Variants in OOSP3 observed in about 807,000 individuals in gnomAD.
OOSP3 encodes the protein oocyte secreted protein family member 3, also known as oocyte-secreted protein 3.
chr11:59,878,815 G>T (rs894750304), exon 1 of OOSP3: 4 of 398,408 alleles, frequency 1.0e-5, no homozygotes, highest in African/African-American at 6.2e-5. Context: ...CGTCATGAAA[G>T]ATTTTGTGAG....
At chr11:59,893,351 T>G (rs1853328763) in intron 2 of OOSP3, among the ~76,000 whole-genome samples, 1 of 152,220 alleles carries the variant, frequency 6.6e-6, no homozygotes, top group Admixed American at 6.5e-5. Context: ...TGACCATAAC[T>G]GTAGTGGCTT....
intron 4 of OOSP3, 96 bp downstream of exon 4, chr11:59,895,748 G>A (rs942978560): frequency 5.3e-5 from 21 of 397,038 alleles, no homozygotes; most frequent in Non-Finnish European, 9.3e-5. Context: ...TACTAAGGAG[G>A]GTATTTGTTG....
At chr11:59,895,626 C>G (rs933724957) in exon 4 of OOSP3, 6 of 398,250 alleles carry the variant, frequency 1.5e-5, no homozygotes, top group African/African-American at 4.1e-5. Flanking sequence ...TGGATTGACT[C>G]GGATTCCATA....
intron 1 of OOSP3, among the ~76,000 whole-genome samples, chr11:59,879,894 T>C (rs1853184674): frequency 6.6e-6 from 1 of 152,158 alleles, no homozygotes; most frequent in African/African-American, 2.4e-5. Flanking sequence ...GCCCTATCAG[T>C]CATTTACACT....
At position 59,896,206 on chromosome 11, in the gene OOSP3, T is replaced by C. The variant is rs117210019; in HGVS notation, c.575T>C (p.Ile192Thr). 2.4e-3 allele frequency: 943 copies of C among 398,474 alleles called. 3 individuals are homozygous for C. Among genetic ancestry groups the C allele is most frequent in the Non-Finnish European group, 3.0e-3 (688 of 225,926 alleles). The allele number at this position is 398,474 out of a possible 1,614,324, so 24.7% of individuals were successfully genotyped here. A position where few individuals can be genotyped will look rare whatever the true frequency, so the allele number is the denominator to read the frequency against. Reference sequence around the variant, plus strand: ...GTCCATGAGAGTGCAAATGTAGCTATATTCTAGGTTCTTCCATGGCAATCC... The same window carrying C: ...GTCCATGAGAGTGCAAATGTAGCTACATTCTAGGTTCTTCCATGGCAATCC... The change falls in exon 5 of 5, where the codon ATA becomes ACA. Residue 192 changes from isoleucine to threonine, a missense_variant. Coordinates refer to ENST00000646438, the Ensembl canonical transcript of OOSP3.
chr11:59,887,864 G>A (rs1356707282), intron 2 of OOSP3, among the ~76,000 whole-genome samples: 1 of 152,118 alleles, frequency 6.6e-6, no homozygotes, highest in Non-Finnish European at 1.5e-5. Context: ...AATGGGAATG[G>A]CACTGAATCT....
At chr11:59,879,558 T>C (rs765008513) in intron 1 of OOSP3, among the ~76,000 whole-genome samples, 5 of 152,140 alleles carry the variant, frequency 3.3e-5, no homozygotes, top group African/African-American at 7.2e-5. Context: ...GCTTTATCTA[T>C]AGGATATGTT....
At chr11:59,881,409 T>G (rs935221528) in intron 2 of OOSP3, among the ~76,000 whole-genome samples, 3 of 151,314 alleles carry the variant, frequency 2.0e-5, no homozygotes, top group African/African-American at 7.3e-5. Context: ...GAATGCTCAA[T>G]AGAAGTTAAT....
At chr11:59,893,139 C>T (rs984961577) in intron 2 of OOSP3, among the ~76,000 whole-genome samples, 6 of 152,084 alleles carry the variant, frequency 3.9e-5, no homozygotes, top group Non-Finnish European at 4.4e-5. Context: ...TCAATAGCAA[C>T]GCAATGGGAA....
intron 2 of OOSP3, among the ~76,000 whole-genome samples, chr11:59,881,772 A>G (rs1281932708): frequency 6.6e-6 from 1 of 152,144 alleles, no homozygotes; most frequent in Non-Finnish European, 1.5e-5. Context: ...CAGGAGGCTG[A>G]GACAGGGAGA....
chr11:59,892,195 T>G (rs1197723989), intron 2 of OOSP3, among the ~76,000 whole-genome samples: 3 of 152,172 alleles, frequency 2.0e-5, no homozygotes, highest in Admixed American at 2.0e-4. Flanking sequence ...TTCTGTGGGT[T>G]GTAAAAATCC....
intron 2 of OOSP3, among the ~76,000 whole-genome samples, chr11:59,884,768 T>A (rs1339969925): frequency 6.6e-6 from 1 of 152,138 alleles, no homozygotes; most frequent in African/African-American, 2.4e-5. Flanking sequence ...CCTCCTGAAG[T>A]GATGGGGTTA....
chr11:59,895,315 T>C, intron 3 of OOSP3, among the ~76,000 whole-genome samples, 187 bp from the exon 4 acceptor site: 1 of 146,728 alleles, frequency 6.8e-6, no homozygotes, highest in African/African-American at 2.5e-5. Flanking sequence ...CTAACGCCCC[T>C]AAATGGAGGT....
intron 2 of OOSP3, among the ~76,000 whole-genome samples, chr11:59,886,729 TTA>T (rs1461946913): frequency 6.6e-6 from 1 of 152,162 alleles, no homozygotes; most frequent in Non-Finnish European, 1.5e-5. Flanking sequence ...TGTTGAGCTT[TTA>T]TGTTTTTTGG....
In OOSP3 at chr11:59,885,336, CTTTAAT is replaced by C. The variant is rs1853244727; in HGVS notation, c.252+4903_252+4908del. Among the ~76,000 whole-genome samples, 5 of 152,052 alleles carry C rather than the reference CTTTAAT, an allele frequency of 3.3e-5. No individual in the cohort carries two copies. In the South Asian group the frequency reaches 8.3e-4, roughly 25 times the overall value. On this transcript the variant is annotated intron_variant, in intron 2 of 4. Coordinates refer to ENST00000646438, the Ensembl canonical transcript of OOSP3. ...ATGATTTCTTCTCTTTTTTCTTCAA[CTTTAAT>C]TTTAAGTTCAGTGGTACATGTGCAG... is the stretch of plus-strand genomic sequence containing the variant.
chr11:59,895,712 C>G (rs761126669), intron 4 of OOSP3, 60 bp downstream of exon 4: 6 of 397,820 alleles, frequency 1.5e-5, no homozygotes, highest in African/African-American at 4.1e-5. Flanking sequence ...ATCGTATTGA[C>G]ATAAGGAAGT....
Position 59,882,883 on chromosome 11 carries a change from T to C in OOSP3, c.252+2444T>C, listed in dbSNP as rs115047041. Among the ~76,000 whole-genome samples the C allele has an allele frequency of 2.0e-3, 308 of 152,344 alleles. 4 individuals carry two copies. Among genetic ancestry groups the C allele is most frequent in the African/African-American group, 6.6e-3 (274 of 41,596 alleles). On this transcript the variant is annotated intron_variant, in intron 2 of 4. Transcript: ENST00000646438. Reference sequence around the variant, plus strand: ...TGGATATGTCATATAAATTCAATCATACAATATGTGGCCTTTTGTGACTTT... The same window carrying C: ...TGGATATGTCATATAAATTCAATCACACAATATGTGGCCTTTTGTGACTTT...
chr11:59,878,826 G>T (rs1014409121), exon 1 of OOSP3: 7 of 398,378 alleles, frequency 1.8e-5, no homozygotes, highest in African/African-American at 1.2e-4. Flanking sequence ...ATTTTGTGAG[G>T]TTACAGTCCT....
At chr11:59,881,159 G>C (rs189861460) in intron 2 of OOSP3, among the ~76,000 whole-genome samples, 17 of 152,150 alleles carry the variant, frequency 1.1e-4, no homozygotes, top group African/African-American at 4.1e-4. Context: ...AGGAGATCGA[G>C]ACCATCCTGG....
Sources: gnomAD v4.1 joint callset for allele counts (sites outside exome capture counted in the v4.1 genomes callset) on GRCh38, gnomAD v4.1.1 for gene constraint, MANE v1.5 for transcripts, NCBI Gene and HGNC (gene_info 2026-07-23, HGNC 2026-07-21) for gene names.